TMEM108: variants seen among roughly 807,000 people sequenced by gnomAD.
TMEM108 encodes cancer/testis antigen 124.
TMEM108 carries 12 observed loss-of-function variants against 35.1 expected under a neutral mutation model. The ratio of observed to expected loss-of-function variants is 0.34; its 90% confidence interval spans 0.22 to 0.55. The LOEUF (loss-of-function observed/expected upper bound fraction) is 0.55. Among genes scored for constraint, TMEM108 ranks in the 20% least tolerant of loss-of-function variants. The probability of loss-of-function intolerance (pLI) is 0.89; values close to 1 mark genes in which losing one functional copy is unlikely to be tolerated. For synonymous variants in TMEM108, 287 were observed against 308.6 expected, an observed-to-expected ratio of 0.93 and a Z score of 0.73; for missense variants, 680 against 753.3, an observed-to-expected ratio of 0.90 and a Z score of 1.14.
At position 133,371,613 on chromosome 3, in the gene TMEM108, C is replaced by CAAAAAAAAAA. The variant is rs3054624; in HGVS notation, c.41-8122_41-8113dup. Among the ~76,000 whole-genome samples, 22 of 78,098 alleles carry CAAAAAAAAAA rather than the reference C, an allele frequency of 2.8e-4. 1 individual carries two copies. Among genetic ancestry groups the CAAAAAAAAAA allele is most frequent in the African/African-American group, 1.2e-3 (20 of 16,948 alleles). The allele number at this position is 78,098 out of a possible 152,430, so 51.2% of individuals were successfully genotyped here. Reference sequence around the variant, plus strand: ...ATCACTGCAGCCAGTCACAAACCCACAAAAAAAAAAAAAAAAAAAAAAAAA... The same window carrying CAAAAAAAAAA: ...ATCACTGCAGCCAGTCACAAACCCACAAAAAAAAAAAAAAAAAAAAAAAAAAAAAAAAAAA... On this transcript the variant is annotated intron_variant, in intron 3 of 5. Coordinates refer to ENST00000321871, the MANE Select transcript of TMEM108 (RefSeq NM_023943.4).
In TMEM108 at chr3:133,380,351, G is replaced by A; in HGVS notation, c.640G>A (p.Gly214Arg). The A allele has an allele frequency of 1.2e-6, 2 of 1,614,102 alleles. No individual in the cohort carries two copies. Among genetic ancestry groups the A allele is most frequent in the Non-Finnish European group, 1.7e-6 (2 of 1,179,996 alleles). Reference sequence around the variant, plus strand: ...ACCTCTGGGGCAGAAGCGGCCCCTGGGGAAAATCTTTCAGATCTACAAGGG... The same window carrying A: ...ACCTCTGGGGCAGAAGCGGCCCCTGAGGAAAATCTTTCAGATCTACAAGGG... ...STPLGQKRPL[G>R]KIFQIYKGNF... The change falls in exon 4 of 6, where the codon GGG becomes AGG. Residue 214 changes from glycine to arginine, a missense_variant. Gly to Arg is a moderately radical substitution (Grantham distance 125). Transcript: ENST00000321871. The surrounding 1 kb of genome is among the most constrained non-coding windows in gnomAD (Gnocchi z 5.3).
At chr3:133,326,820 G>A (rs1450302495) in intron 3 of TMEM108, among the ~76,000 whole-genome samples, 3 of 152,208 alleles carry the variant, frequency 2.0e-5, no homozygotes, top group South Asian at 2.1e-4. Flanking sequence ...CCTTTGACAT[G>A]TTTTAGCCTC....
intron 3 of TMEM108, among the ~76,000 whole-genome samples, chr3:133,267,686 A>G (rs927584897): frequency 6.6e-5 from 9 of 135,576 alleles, no homozygotes; most frequent in Non-Finnish European, 1.2e-4. Context: ...AGGGGTCAGC[A>G]GGAGCTACAG....
chr3:133,232,965 C>A (rs1176862349), intron 3 of TMEM108, among the ~76,000 whole-genome samples: 1 of 151,084 alleles, frequency 6.6e-6, no homozygotes, highest in East Asian at 1.9e-4. Flanking sequence ...TAAAGCTAGT[C>A]CTAAGAATAC....
chr3:133,282,460 C>G (rs1249891280), intron 3 of TMEM108, among the ~76,000 whole-genome samples: 2 of 152,200 alleles, frequency 1.3e-5, no homozygotes, highest in African/African-American at 4.8e-5. Context: ...CACAACATAT[C>G]CATGTTTCTT....
chr3:133,299,272 A>G (rs955966027), intron 3 of TMEM108, among the ~76,000 whole-genome samples: 4 of 152,232 alleles, frequency 2.6e-5, no homozygotes, highest in Non-Finnish European at 4.4e-5. Flanking sequence ...GGGAAATAAA[A>G]ACAGAATAGC....
rs151201236 is a variant in TMEM108, at chr3:133,207,277, C to G, written c.-46-21989C>G. Among the ~76,000 whole-genome samples the G allele has an allele frequency of 4.0e-3, 606 of 152,106 alleles. 5 individuals carry two copies. The highest frequency in any genetic ancestry group is 0.014 in the African/African-American group (578 of 41,496). On this transcript the variant is annotated intron_variant, in intron 2 of 5. Coordinates refer to ENST00000321871, the MANE Select transcript of TMEM108 (RefSeq NM_023943.4). ...TTGCACTTCCCAGGTGAGGTGACGC[C>G]CCACCCTGCTTCTGCTTGCCTTCCA...
intron 3 of TMEM108, among the ~76,000 whole-genome samples, chr3:133,279,730 ATGCC>A (rs1946886390): frequency 6.6e-6 from 1 of 152,168 alleles, no homozygotes; most frequent in African/African-American, 2.4e-5. Context: ...TGCTCAGTAA[ATGCC>A]TGTTGTTTGA....
chr3:133,215,154 G>T (rs575711533), intron 2 of TMEM108, among the ~76,000 whole-genome samples: 8 of 152,204 alleles, frequency 5.3e-5, no homozygotes, highest in Non-Finnish European at 1.2e-4. Flanking sequence ...TCTGATTAAA[G>T]ACACCTTATT....
At chr3:133,370,669 A>T (rs1346404619) in intron 3 of TMEM108, among the ~76,000 whole-genome samples, 2 of 152,154 alleles carry the variant, frequency 1.3e-5, no homozygotes, top group Non-Finnish European at 2.9e-5. Context: ...TGACCTTTTC[A>T]TCCATCTAAT....
rs547496683 is a variant in TMEM108, at chr3:133,294,744, T to A, written c.40+65393T>A. Reference sequence around the variant, plus strand: ...TACTGAGATGGTGAAGTTCAGGAAATTGTAGGCCAGCACATTCCCTTTAAT... The same window carrying A: ...TACTGAGATGGTGAAGTTCAGGAAAATGTAGGCCAGCACATTCCCTTTAAT... On this transcript the variant is annotated intron_variant, in intron 3 of 5. Transcript: ENST00000321871. 2.6e-5 allele frequency among the ~76,000 whole-genome samples: 4 copies of A among 152,338 alleles called. No homozygotes were observed. In the South Asian group the frequency reaches 8.3e-4, roughly 32 times the overall value.
chr3:133,217,613 A>G (rs1469527751), intron 2 of TMEM108, among the ~76,000 whole-genome samples: 1 of 152,018 alleles, frequency 6.6e-6, no homozygotes, highest in Admixed American at 6.6e-5. Context: ...TATATTGGTG[A>G]CATAGTAGTC....
chr3:133,072,817 C>T (rs1283792919), intron 2 of TMEM108, among the ~76,000 whole-genome samples: 4 of 152,114 alleles, frequency 2.6e-5, no homozygotes, highest in Non-Finnish European at 5.9e-5. Context: ...TGCCCTACCC[C>T]GTTTCCCCTA....
At chr3:133,159,336 G>A (rs113692417) in intron 2 of TMEM108, among the ~76,000 whole-genome samples, 2 of 152,142 alleles carry the variant, frequency 1.3e-5, no homozygotes, top group African/African-American at 4.8e-5. Context: ...CTGGAATTTA[G>A]CTGTTTTAAA....
rs375937690 is a variant in TMEM108, at chr3:133,380,553, G to T, written c.842G>T (p.Arg281Leu). The T allele has an allele frequency of 6.2e-7, 1 of 1,613,846 alleles. No individual in the cohort carries two copies. The highest frequency in any genetic ancestry group is 8.5e-7 in the Non-Finnish European group (1 of 1,179,984). ...CCTGCAAAGGACAAGCCAGGCCTTC[G>T]CAGAGCAGCCCAGGGGGGTGGTTCT... ...LGPAKDKPGLRRAAQGGGSTF... is the reference protein window; with the variant it reads ...LGPAKDKPGLLRAAQGGGSTF... Residue 281 changes from arginine (R) to leucine (L), a missense_variant, in exon 4 of 6, where the codon CGC becomes CTC. By Grantham distance (102) the Arg-to-Leu change is moderately radical (BLOSUM62 -2). Transcript: ENST00000321871. The surrounding 1 kb of genome is among the most constrained non-coding windows in gnomAD (Gnocchi z 5.3).
chr3:133,271,152 A>G (rs77915133), intron 3 of TMEM108, among the ~76,000 whole-genome samples: 1,909 of 152,174 alleles, frequency 0.013, 16 homozygotes, highest in South Asian at 0.024. Context: ...CCTCCTCACC[A>G]TCCCCAAGGG....
intron 3 of TMEM108, among the ~76,000 whole-genome samples, chr3:133,321,548 A>G (rs540589340): frequency 1.3e-5 from 2 of 152,328 alleles, no homozygotes; most frequent in South Asian, 4.1e-4. Context: ...GAAATGAGAT[A>G]GACAGCAACA....
chr3:133,202,597 G>A (rs1945686685), intron 2 of TMEM108, among the ~76,000 whole-genome samples: 1 of 152,064 alleles, frequency 6.6e-6, no homozygotes, highest in Non-Finnish European at 1.5e-5. Context: ...AAGATCAGAT[G>A]GTTGTAGATG....
intron 2 of TMEM108, among the ~76,000 whole-genome samples, chr3:133,071,495 G>A (rs1943675441): frequency 6.6e-6 from 1 of 152,106 alleles, no homozygotes. Context: ...ACATTCTGAG[G>A]TTAGGACTAC....
Sources: allele counts gnomAD v4.1 joint callset (sites outside exome capture counted in the v4.1 genomes callset), GRCh38; gene constraint gnomAD v4.1.1; non-coding constraint Gnocchi (gnomAD v3.1); transcripts MANE v1.5; gene names NCBI Gene and HGNC (gene_info 2026-07-23, HGNC 2026-07-21).